Variants in RGS3 observed in about 807,000 individuals in gnomAD.
The protein encoded by RGS3 is regulator of G-protein signalling 3.
RGS3 carries 80 observed loss-of-function variants against 132.6 expected under a neutral mutation model. That is an observed-to-expected ratio of 0.60 (90% CI 0.50 to 0.73). RGS3 has a LOEUF of 0.73. Ranked by LOEUF, RGS3 falls within the 30% of genes least tolerant of loss-of-function variation. The pLI is 0.00. For missense variants in RGS3, 1,382 were observed against 1,530.8 expected (o/e 0.90, Z 1.62); for synonymous variants, 598 against 620.6 (o/e 0.96, Z 0.54).
intron 15 of RGS3, 134 bp downstream of exon 13, chr9:113,514,788 A>T (rs758916572): frequency 2.6e-6 from 2 of 774,314 alleles, no homozygotes; most frequent in Non-Finnish European, 4.1e-6. Context: ...GTAGCTTTAG[A>T]TGCATAGGAT....
intron 17 of RGS3, among the ~76,000 whole-genome samples, chr9:113,528,088 T>A (rs568407553): frequency 6.6e-6 from 1 of 152,188 alleles, no homozygotes; most frequent in East Asian, 1.9e-4. Flanking sequence ...CTTCCAGGGG[T>A]TGTTGTGAGG....
At chr9:113,465,637 G>A (rs1829615319) in intron 3 of RGS3, among the ~76,000 whole-genome samples, 2 of 152,172 alleles carry the variant, frequency 1.3e-5, no homozygotes, top group Admixed American at 1.3e-4. Flanking sequence ...CCAGATCTGG[G>A]AAGCTGAGGA....
intron 19 of RGS3, among the ~76,000 whole-genome samples, chr9:113,539,984 C>G (rs1056604465): frequency 6.6e-6 from 1 of 152,044 alleles, no homozygotes; most frequent in African/African-American, 2.4e-5. Flanking sequence ...TTCTATCTCT[C>G]CAAGCTTTGT....
intron 15 of RGS3, among the ~76,000 whole-genome samples, chr9:113,517,025 T>C (rs1831705710): frequency 1.3e-5 from 2 of 152,164 alleles, no homozygotes; most frequent in South Asian, 2.1e-4. Context: ...TGGGTGATAA[T>C]TGACCCTTGG....
chr9:113,514,621 C>A, exon 15 of RGS3: 2 of 1,613,910 alleles, frequency 1.2e-6, no homozygotes, highest in Non-Finnish European at 1.7e-6. Flanking sequence ...TCACCCTGGC[C>A]CCCAAAGTCC....
At chr9:113,523,605 A>C (rs1832065877) in intron 17 of RGS3, among the ~76,000 whole-genome samples, 1 of 152,168 alleles carries the variant, frequency 6.6e-6, no homozygotes, top group Non-Finnish European at 1.5e-5. Context: ...GCTCAGGCAC[A>C]TGTGGGAGCG....
intron 19 of RGS3, among the ~76,000 whole-genome samples, chr9:113,573,134 G>A (rs1473554912): frequency 9.9e-5 from 15 of 152,182 alleles, no homozygotes; most frequent in Non-Finnish European, 4.4e-5. Flanking sequence ...TGAGGAAATC[G>A]AGCCTGAATA....
In RGS3 at chr9:113,507,217, T is replaced by G; in HGVS notation, c.1086-70T>G. Reference sequence around the variant, plus strand: ...TTCCCCCATTATCCTCTCTGCCCTGTGGGCCCTCACTCTGGCTGATACTGG... The same window carrying G: ...TTCCCCCATTATCCTCTCTGCCCTGGGGGCCCTCACTCTGGCTGATACTGG... On this transcript the variant is annotated intron_variant, in intron 12 of 24. Transcript: ENST00000350696. This position sits in a 1 kb window ranked among gnomAD's most constrained non-coding sequence, Gnocchi z 5.0. The G allele has an allele frequency of 2.3e-6, 3 of 1,279,106 alleles. No individual in the cohort carries two copies. In the Admixed American group the frequency reaches 6.5e-5, roughly 28 times the overall value. The allele number at this position is 1,279,106 out of a possible 1,614,324, so 79.2% of individuals were successfully genotyped here. A position where few individuals can be genotyped will look rare whatever the true frequency, so the allele number is the denominator to read the frequency against.
intron 15 of RGS3, among the ~76,000 whole-genome samples, chr9:113,516,335 T>C (rs1180698352): frequency 1.3e-5 from 2 of 152,016 alleles, no homozygotes; most frequent in Non-Finnish European, 2.9e-5. Flanking sequence ...TCTTGGCATC[T>C]ACAATGTCTA....
chr9:113,554,615 T>A (rs1200121231), intron 19 of RGS3, among the ~76,000 whole-genome samples: 1 of 152,232 alleles, frequency 6.6e-6, no homozygotes, highest in Non-Finnish European at 1.5e-5. Flanking sequence ...CCTCATTTTA[T>A]GTTGATCAGT....
intron 1 of RGS3, among the ~76,000 whole-genome samples, chr9:113,450,227 C>T (rs1829209685): frequency 6.6e-6 from 1 of 152,064 alleles, no homozygotes; most frequent in Non-Finnish European, 1.5e-5. Context: ...TGCCACCATG[C>T]CAGCTAAATT....
Position 113,579,360 on chromosome 9 carries a change from G to T in RGS3, c.2038-4090G>T, listed in dbSNP as rs1834682191. On this transcript the variant is annotated intron_variant, in intron 19 of 24. Coordinates refer to ENST00000350696, the Ensembl canonical transcript of RGS3. The surrounding 1 kb of genome is among the most constrained non-coding windows in gnomAD (Gnocchi z 4.3). ...CCTCCTTAGCCTATTCTGAGCTCTG[G>T]ATTGGATTTGGGAGAGGATTTGATT... Among the ~76,000 whole-genome samples the T allele has an allele frequency of 6.6e-6, 1 of 152,192 alleles. No individual in the cohort carries two copies.
intron 1 of RGS3, chr9:113,445,071 G>A (rs1829073174): frequency 6.6e-6 from 1 of 152,090 alleles, no homozygotes. Context: ...GTTGGAATAT[G>A]GTTCTAAGAG....
At position 113,506,361 on chromosome 9, in the gene RGS3, C is replaced by G. The variant is rs1483045992; in HGVS notation, c.980-27C>G. 1 of 1,536,246 alleles carries G rather than the reference C, an allele frequency of 6.5e-7. No homozygotes were observed. The highest frequency in any genetic ancestry group is 1.4e-5 in the African/African-American group (1 of 73,748). On this transcript the variant is annotated intron_variant, in intron 11 of 24. Coordinates refer to ENST00000350696, the Ensembl canonical transcript of RGS3. This position sits in a 1 kb window ranked among gnomAD's most constrained non-coding sequence, Gnocchi z 4.7. ...AAGGGGTCTTAGGCTTCAGGGGCCC[C>G]TGAATGGCTTTTCTTTGTCCCTGCA...
At chr9:113,493,033 A>G (rs1186233802) in intron 7 of RGS3, among the ~76,000 whole-genome samples, 1 of 152,264 alleles carries the variant, frequency 6.6e-6, no homozygotes, top group Non-Finnish European at 1.5e-5. Context: ...CCAGTAGGAA[A>G]GAAGTGTACA....
At chr9:113,456,832 C>A (rs191232373), upstream of RGS3, among the ~76,000 whole-genome samples, 3 of 152,200 alleles carry the variant, frequency 2.0e-5, no homozygotes, top group East Asian at 5.8e-4. Context: ...CAGAGTTTCG[C>A]TTTTGTCTTC....
chr9:113,565,211 CAGA>C lies in RGS3; in HGVS notation c.2038-18236_2038-18234del. 1 of 1,259,530 alleles carries C rather than the reference CAGA, an allele frequency of 7.9e-7. No individual in the cohort carries two copies. The highest frequency in any genetic ancestry group is 1.0e-6 in the Non-Finnish European group (1 of 972,796). The allele number at this position is 1,259,530 out of a possible 1,614,324, so 78.0% of individuals were successfully genotyped here. On this transcript the variant is annotated intron_variant, in intron 19 of 24. Coordinates refer to ENST00000350696, the Ensembl canonical transcript of RGS3. This position sits in a 1 kb window ranked among gnomAD's most constrained non-coding sequence, Gnocchi z 5.7. ...CCAGCTGGGCCCCTCGCGGGGTGGG[CAGA>C]AGGACGGGCTGGCCCAGGACCCTCT...
chr9:113,508,653 C>T, intron 14 of RGS3, 73 bp downstream of exon 12: 1 of 1,519,168 alleles, frequency 6.6e-7, no homozygotes, highest in Admixed American at 1.7e-5. Context: ...CTGGCCCAGC[C>T]TCCGCCCCTG....
chr9:113,517,270 G>A, intron 15 of RGS3: 3 of 597,510 alleles, frequency 5.0e-6, no homozygotes, highest in Non-Finnish European at 9.4e-6. Context: ...GCCTAAGCCT[G>A]TGGTTAGACT....
Sources: allele counts gnomAD v4.1 joint callset (sites outside exome capture counted in the v4.1 genomes callset), GRCh38; gene constraint gnomAD v4.1.1; non-coding constraint Gnocchi (gnomAD v3.1); transcripts MANE v1.5; gene names NCBI Gene and HGNC (gene_info 2026-07-23, HGNC 2026-07-21).